The following SPG11 variants were observed in gnomAD, a reference collection of about 807,000 sequenced individuals.
The protein encoded by SPG11 is spatacsin.
A neutral mutation model predicts 274.0 loss-of-function variants in SPG11; 222 were observed. That is an observed-to-expected ratio of 0.81 (90% CI 0.73 to 0.91). The LOEUF (loss-of-function observed/expected upper bound fraction) is 0.91, where lower values mean the gene tolerates loss of function less well. Among genes scored for constraint, SPG11 ranks in the 40% least tolerant of loss-of-function variants. SPG11 has a pLI of 0.00. For missense variants in SPG11, 3,114 were observed against 2,872.7 expected (o/e 1.08, Z -1.92); for synonymous variants, 1,144 against 1,039.7 (o/e 1.10, Z -1.93).
rs551184421 is a variant in SPG11 at position 44,585,921 on chromosome 15, A to G, written c.4907-71T>C. ...CACTACAGCATTTCAAGAGTAATAC[A>G]TATCAGGGGGAAAATATACGTGTTT... On this transcript the variant is annotated intron_variant, in intron 28 of 39. Transcript: ENST00000261866. 3.3e-5 allele frequency: 42 copies of G among 1,264,414 alleles called. No homozygotes were observed. In the South Asian group the frequency reaches 4.9e-4, roughly 15 times the overall value. 78.3% of individuals were successfully genotyped at this position (1,264,414 alleles called of 1,614,324 possible). A position where few individuals can be genotyped will look rare whatever the true frequency, so the allele number is the denominator to read the frequency against.
intron 38 of SPG11, 33 bp from the exon 39 acceptor site, chr15:44,564,731 G>A: frequency 6.2e-7 from 1 of 1,612,988 alleles, no homozygotes; most frequent in Non-Finnish European, 8.5e-7. Context: ...GACACCATCA[G>A]AGCCCATCTG....
chr15:44,586,080 G>A (rs1331790354), intron 28 of SPG11, among the ~76,000 whole-genome samples: 1 of 150,482 alleles, frequency 6.6e-6, no homozygotes, highest in Non-Finnish European at 1.5e-5. Flanking sequence ...CACCTCCTGG[G>A]TTCAAGGGAT....
chr15:44,585,601 C>CT (rs1292917939), intron 29 of SPG11, 35 bp downstream of exon 29: 9 of 1,116,464 alleles, frequency 8.1e-6, no homozygotes, highest in Non-Finnish European at 1.0e-5. Flanking sequence ...GACCCCGTAT[C>CT]TAAAAAAAAA....
intron 35 of SPG11, among the ~76,000 whole-genome samples, chr15:44,568,997 C>A (rs1189433331): frequency 2.6e-5 from 4 of 151,766 alleles, no homozygotes; most frequent in Admixed American, 6.6e-5. Context: ...CATGGATAAA[C>A]CCCATCTCTA....
At position 44,652,312 on chromosome 15, in the gene SPG11, A is replaced by C. The variant is rs545608148; in HGVS notation, c.870-46T>G. The C allele has an allele frequency of 4.4e-6, 7 of 1,607,772 alleles. No homozygotes were observed. The South Asian group carries it at 7.7e-5, about 18-fold the overall frequency. Reference sequence around the variant, plus strand: ...AGACATATGAAAAAATGATGATCAAACCCAAATTTGTGTTACTACTGCTCC... The same window carrying C: ...AGACATATGAAAAAATGATGATCAACCCCAAATTTGTGTTACTACTGCTCC... On this transcript the variant is annotated intron_variant, in intron 4 of 39. Transcript: ENST00000261866.
chr15:44,658,739 G>A (rs561468927), intron 3 of SPG11, among the ~76,000 whole-genome samples: 2 of 152,226 alleles, frequency 1.3e-5, no homozygotes, highest in African/African-American at 2.4e-5. Context: ...GATTACAGGC[G>A]TGAGCCACCG....
chr15:44,573,593 C>A lies in SPG11; in HGVS notation c.6159G>T (p.Val2053=). 1 of 1,614,172 alleles carries A rather than the reference C, an allele frequency of 6.2e-7. No homozygotes were observed. Among genetic ancestry groups the A allele is most frequent in the Admixed American group, 1.7e-5 (1 of 60,024 alleles). ...GCAGCTCCCGTGTCACCTCTTCTGC[C>A]ACGAGTTCAGCCACAGTATCTGGCT... is the stretch of plus-strand genomic sequence containing the variant. The part of the protein sequence containing the change: ...GLKPDTVAEL[V]AEEVTRELLT... The change falls in exon 32 of 40, where the codon GTG becomes GTT. Residue 2053 remains valine (V), a synonymous_variant. Coordinates refer to ENST00000261866, the MANE Select transcript of SPG11 (RefSeq NM_025137.4).
At chr15:44,660,058 CA>C (rs2085059912) in intron 2 of SPG11, among the ~76,000 whole-genome samples, 2 of 151,066 alleles carry the variant, frequency 1.3e-5, no homozygotes, top group Admixed American at 1.3e-4. Flanking sequence ...GAGACTGTCT[CA>C]AAAAAATAAA....
intron 35 of SPG11, among the ~76,000 whole-genome samples, chr15:44,568,856 G>A (rs2082359420): frequency 6.6e-6 from 1 of 152,148 alleles, no homozygotes; most frequent in African/African-American, 2.4e-5. Flanking sequence ...TGAGGTGGAG[G>A]AGGACAAACT....
intron 39 of SPG11, 124 bp downstream of exon 39, chr15:44,564,422 CT>C: frequency 2.2e-6 from 2 of 894,774 alleles, no homozygotes; most frequent in Non-Finnish European, 3.5e-6. Flanking sequence ...ATTCTTGATA[CT>C]GCTTTGCCAT....
intron 7 of SPG11, among the ~76,000 whole-genome samples, chr15:44,640,544 A>G (rs2084409462): frequency 6.6e-6 from 1 of 152,172 alleles, no homozygotes. Context: ...ACAGACAACA[A>G]TAAAGGCACC....
At chr15:44,625,992 T>C (rs1743993570) in intron 11 of SPG11, among the ~76,000 whole-genome samples, 1 of 152,148 alleles carries the variant, frequency 6.6e-6, no homozygotes, top group South Asian at 2.1e-4. Flanking sequence ...GGTACTTCTT[T>C]ATAGCAATAT....
chr15:44,625,294 C>A (rs1465515154), intron 11 of SPG11, among the ~76,000 whole-genome samples: 2 of 152,164 alleles, frequency 1.3e-5, no homozygotes, highest in Non-Finnish European at 2.9e-5. Context: ...CCTCAGCCTT[C>A]TGAGTAGCTA....
intron 20 of SPG11, chr15:44,604,061 C>T: frequency 2.6e-6 from 1 of 388,418 alleles, no homozygotes; most frequent in South Asian, 1.9e-5. Context: ...AAAAAGACAA[C>T]ACTGTGATCT....
chr15:44,611,060 C>A (rs1225318025), intron 17 of SPG11, 75 bp from the exon 18 acceptor site: 372 of 298,682 alleles, frequency 1.2e-3, no homozygotes, highest in East Asian at 3.0e-3. Flanking sequence ...AATGTGAGAA[C>A]AATAACATAA....
At chr15:44,652,988 T>G (rs2084830807) in intron 4 of SPG11, among the ~76,000 whole-genome samples, 1 of 152,100 alleles carries the variant, frequency 6.6e-6, no homozygotes, top group Non-Finnish European at 1.5e-5. Context: ...GAGGAATGCA[T>G]AAGAACTAGA....
intron 1 of SPG11, 67 bp downstream of exon 1, chr15:44,663,324 T>C: frequency 1.3e-6 from 2 of 1,555,648 alleles, no homozygotes; most frequent in South Asian, 2.4e-5. Flanking sequence ...CGTGAGCCCT[T>C]GGGGCTCAGT....
rs564171625 is a variant in SPG11, at chr15:44,596,893, C to T, written c.4052G>A (p.Arg1351Lys). The T allele has an allele frequency of 3.0e-4, 487 of 1,613,912 alleles. 4 individuals are homozygous for T. In the South Asian group the frequency reaches 5.1e-3, roughly 17 times the overall value. Residue 1351 changes from arginine to lysine, a missense_variant, in exon 24 of 40, where the codon AGG becomes AAG. Physicochemically the swap from Arg to Lys is conservative, Grantham distance 26. Transcript: ENST00000261866. ...TATGCTTAGTTTCATATTGTGTAGC[C>T]TGCAGAACTGCACCACTAATGCCCA... Reference protein sequence around the residue: ...SQWALVVQFCRLHNMKLSISY... With the variant: ...SQWALVVQFCKLHNMKLSISY...
intron 7 of SPG11, among the ~76,000 whole-genome samples, chr15:44,636,287 T>C (rs1486561328): frequency 2.6e-5 from 4 of 152,096 alleles, no homozygotes; most frequent in Non-Finnish European, 4.4e-5. Flanking sequence ...GAGGAGACTA[T>C]AAACAAACTA....
Sources: allele counts gnomAD v4.1 joint callset (sites outside exome capture counted in the v4.1 genomes callset), GRCh38; gene constraint gnomAD v4.1.1; transcripts MANE v1.5; gene names NCBI Gene and HGNC (gene_info 2026-07-23, HGNC 2026-07-21).